Variants in SLC25A12 observed in about 807,000 individuals in gnomAD.
SLC25A12 encodes electrogenic aspartate/glutamate antiporter SLC25A12, mitochondrial.
A neutral mutation model predicts 83.3 loss-of-function variants in SLC25A12; 32 were observed. That is an observed-to-expected ratio of 0.38 (90% CI 0.29 to 0.52). SLC25A12 has a LOEUF of 0.52. Among genes scored for constraint, SLC25A12 ranks in the 20% least tolerant of loss-of-function variants. The pLI is 0.84. For synonymous variants in SLC25A12, 267 were observed against 291.1 expected (o/e 0.92, Z 0.84); for missense variants, 611 against 835.6 (o/e 0.73, Z 3.31).
chr2:171,826,399 C>T (rs1259248496), intron 9 of SLC25A12, among the ~76,000 whole-genome samples: 5 of 152,190 alleles, frequency 3.3e-5, no homozygotes, highest in African/African-American at 1.2e-4. Context: ...CCTGAGGTCA[C>T]GAGTTCAAGA....
At chr2:171,891,089 G>A (rs1038876432) in intron 2 of SLC25A12, among the ~76,000 whole-genome samples, 31 of 152,232 alleles carry the variant, frequency 2.0e-4, no homozygotes, top group African/African-American at 6.3e-4. Context: ...CACAGATCAC[G>A]AGGTCAGGAG....
intron 5 of SLC25A12, among the ~76,000 whole-genome samples, chr2:171,842,994 T>C (rs1318867552): frequency 6.6e-6 from 1 of 152,094 alleles, no homozygotes; most frequent in Non-Finnish European, 1.5e-5. Context: ...CTAATTTTTG[T>C]ATTTTTAGTG....
At chr2:171,879,919 T>C (rs931977742) in intron 2 of SLC25A12, among the ~76,000 whole-genome samples, 50 of 152,226 alleles carry the variant, frequency 3.3e-4, no homozygotes, top group African/African-American at 1.2e-3. Flanking sequence ...ATCCTGCTTT[T>C]TAACAAAGCT....
intron 8 of SLC25A12, among the ~76,000 whole-genome samples, chr2:171,827,490 C>G (rs1420720208): frequency 6.6e-6 from 1 of 152,022 alleles, no homozygotes; most frequent in South Asian, 2.1e-4. Flanking sequence ...TTCACTTCAG[C>G]CTCCAATTGA....
intron 9 of SLC25A12, among the ~76,000 whole-genome samples, chr2:171,818,495 G>T (rs1038221261): frequency 6.6e-6 from 1 of 151,612 alleles, no homozygotes. Context: ...ATTAGGTCTA[G>T]TGATGTGGCT....
At chr2:171,850,281 A>G (rs1684896995) in intron 4 of SLC25A12, among the ~76,000 whole-genome samples, 1 of 139,748 alleles carries the variant, frequency 7.2e-6, no homozygotes, top group African/African-American at 2.7e-5. Flanking sequence ...ACGCCCGGCT[A>G]ATTTTTGTAT....
intron 9 of SLC25A12, 46 bp downstream of exon 9, chr2:171,826,752 G>A (rs1684307957): frequency 2.8e-6 from 3 of 1,073,338 alleles, no homozygotes; most frequent in Non-Finnish European, 4.4e-6. Context: ...TAGTCTACTA[G>A]TTCAGCATTT....
At chr2:171,870,630 T>A (rs1685438980) in intron 2 of SLC25A12, among the ~76,000 whole-genome samples, 1 of 151,518 alleles carries the variant, frequency 6.6e-6, no homozygotes, top group African/African-American at 2.4e-5. Context: ...CAAAAAAAAA[T>A]AAAATTATAA....
At chr2:171,824,175 C>G (rs1265587881) in intron 9 of SLC25A12, among the ~76,000 whole-genome samples, 2 of 152,196 alleles carry the variant, frequency 1.3e-5, no homozygotes, top group Non-Finnish European at 2.9e-5. Context: ...TGAAAAGACC[C>G]TTGAGGCCAC....
chr2:171,840,336 T>A (rs960271351), intron 5 of SLC25A12, among the ~76,000 whole-genome samples: 1 of 151,594 alleles, frequency 6.6e-6, no homozygotes, highest in African/African-American at 2.4e-5. Flanking sequence ...CAGTGAGCCA[T>A]GATCCTGTCA....
intron 10 of SLC25A12, among the ~76,000 whole-genome samples, chr2:171,814,859 T>C (rs1020885406): frequency 1.3e-5 from 2 of 152,220 alleles, no homozygotes; most frequent in African/African-American, 2.4e-5. Context: ...TTAGCCAGTA[T>C]AATTAAGGTG....
chr2:171,825,221 GCAAA>G (rs1457819562), intron 9 of SLC25A12, among the ~76,000 whole-genome samples: 1 of 152,182 alleles, frequency 6.6e-6, no homozygotes, highest in South Asian at 2.1e-4. Flanking sequence ...TACACATCAA[GCAAA>G]CAGTTAAAGT....
intron 4 of SLC25A12, among the ~76,000 whole-genome samples, chr2:171,853,488 T>A (rs1376542631): frequency 6.6e-6 from 1 of 152,172 alleles, no homozygotes; most frequent in Non-Finnish European, 1.5e-5. Flanking sequence ...CTGGCCAGCC[T>A]GACCAACATG....
chr2:171,813,451 T>G lies in SLC25A12; in HGVS notation c.1059A>C (p.Arg353=). The G allele has an allele frequency of 6.2e-7, 1 of 1,614,084 alleles. No homozygotes were observed. Among genetic ancestry groups the G allele is most frequent in the East Asian group, 2.2e-5 (1 of 44,884 alleles). The change falls in exon 11 of 18, where the codon CGA becomes CGC. Residue 353 remains arginine, a synonymous_variant. Coordinates refer to ENST00000422440, the MANE Select transcript of SLC25A12 (RefSeq NM_003705.5). ...AGCCAGAGCCACGCTGGTTTTGCAT[T>G]CGGGTCTTCACCAGATCTATAGGAT... The part of the protein sequence containing the change: ...AVYPIDLVKT[R]MQNQRGSGSV...
chr2:171,796,963 T>C lies in SLC25A12; in HGVS notation c.1306-3196A>G, dbSNP rs113356244. On this transcript the variant is annotated intron_variant, in intron 13 of 17. Transcript: ENST00000422440. Reference sequence around the variant, plus strand: ...TTAGTTCAATTATACTGGTAATAAATCAAGCAACTCAGAATGAGGGACTAT... The same window carrying C: ...TTAGTTCAATTATACTGGTAATAAACCAAGCAACTCAGAATGAGGGACTAT... Among the ~76,000 whole-genome samples the C allele has an allele frequency of 2.5e-4, 38 of 152,312 alleles. 2 individuals are homozygous for C. The highest frequency in any genetic ancestry group is 8.7e-4 in the African/African-American group (36 of 41,576).
chr2:171,866,709 A>G (rs867401465), intron 3 of SLC25A12, among the ~76,000 whole-genome samples: 117 of 102,268 alleles, frequency 1.1e-3, no homozygotes, highest in Middle Eastern at 8.8e-3. Flanking sequence ...CAGTAGGGGC[A>G]GCCGGGCAGA....
Position 171,802,385 on chromosome 2 carries a change from C to T in SLC25A12, c.1305+7221G>A, listed in dbSNP as rs139560970. ...CAAAAAACATGTTGGGATAGCACAT[C>T]CAAGTTATCATAAATTCTGAATGAG... On this transcript the variant is annotated intron_variant, in intron 13 of 17. Transcript: ENST00000422440. Among the ~76,000 whole-genome samples the T allele has an allele frequency of 3.2e-3, 486 of 151,956 alleles. 6 individuals are homozygous for T. The highest frequency in any genetic ancestry group is 0.011 in the African/African-American group (459 of 41,516).
intron 2 of SLC25A12, among the ~76,000 whole-genome samples, chr2:171,891,077 C>T (rs1047636164): frequency 9.2e-5 from 14 of 152,100 alleles, no homozygotes; most frequent in African/African-American, 2.7e-4. Context: ...GAGGCTGAGG[C>T]ACACAGATCA....
intron 13 of SLC25A12, among the ~76,000 whole-genome samples, chr2:171,799,113 C>T (rs1415353883): frequency 1.3e-5 from 2 of 152,150 alleles, no homozygotes; most frequent in Non-Finnish European, 2.9e-5. Context: ...AAGCAGAGAG[C>T]AAGCCCTCCC....
Sources: allele counts gnomAD v4.1 joint callset (sites outside exome capture counted in the v4.1 genomes callset), GRCh38; gene constraint gnomAD v4.1.1; transcripts MANE v1.5; gene names NCBI Gene and HGNC (gene_info 2026-07-23, HGNC 2026-07-21).